Variants in LASP1NB observed in about 807,000 individuals in gnomAD.
LASP1NB encodes LASP1 neighbor.
chr17:38,927,671 T>C, the LASP1NB span: 3 of 152,110 alleles, frequency 2.0e-5, no homozygotes, highest in African/African-American at 4.8e-5. Flanking sequence ...AGTAATAACA[T>C]TGTGTCCAAT....
At chr17:38,926,807 T>C in the LASP1NB span, 1 of 152,180 alleles carries the variant, frequency 6.6e-6, no homozygotes, top group Admixed American at 6.5e-5. Flanking sequence ...CAAGGGGAAG[T>C]TCAAGTTGTC....
At chr17:38,928,200 T>G in the LASP1NB span, 168 of 152,206 alleles carry the variant, frequency 1.1e-3, no homozygotes, top group African/African-American at 3.8e-3. Flanking sequence ...AATCCCAGCA[T>G]TTAGGGAAGT....
At chr17:38,926,618 A>G in the LASP1NB span, 1 of 152,320 alleles carries the variant, frequency 6.6e-6, no homozygotes, top group East Asian at 1.9e-4. Context: ...TGTAGATGGG[A>G]TTGAGAACAG....
chr17:38,926,053 C>A, the LASP1NB span, among the ~76,000 whole-genome samples: 11 of 152,012 alleles, frequency 7.2e-5, no homozygotes, highest in African/African-American at 2.4e-4. Context: ...ACAATGTAAA[C>A]GATTTTTAGG....
the LASP1NB span, chr17:38,928,963 C>T: frequency 6.6e-6 from 1 of 152,064 alleles, no homozygotes; most frequent in East Asian, 1.9e-4. Flanking sequence ...CAAGGCTTCT[C>T]AGTCTGTATT....
At chr17:38,928,802 C>T in the LASP1NB span, 4 of 152,122 alleles carry the variant, frequency 2.6e-5, no homozygotes, top group African/African-American at 7.2e-5. Flanking sequence ...CTATAATTTC[C>T]GTCTTCAAGC....
chr17:38,929,375 A>G, the LASP1NB span: 1 of 152,252 alleles, frequency 6.6e-6, no homozygotes, highest in African/African-American at 2.4e-5. Flanking sequence ...TGTCAATGAG[A>G]TAAAAACCAC....
the LASP1NB span, chr17:38,928,848 C>G: frequency 6.6e-6 from 1 of 152,204 alleles, no homozygotes; most frequent in African/African-American, 2.4e-5. Flanking sequence ...CTAGGTAATT[C>G]AGGCATGCGC....
the LASP1NB span, chr17:38,927,015 C>A: frequency 6.6e-6 from 1 of 152,120 alleles, no homozygotes; most frequent in African/African-American, 2.4e-5. Flanking sequence ...ATATAGTCCT[C>A]TCTTTGCACC....
At chr17:38,925,859 A>G in the LASP1NB span, 1 of 397,816 alleles carries the variant, frequency 2.5e-6, no homozygotes, top group Non-Finnish European at 4.4e-6. Context: ...TTGCTGACGC[A>G]CCGGTGGATT....
the LASP1NB span, chr17:38,928,854 T>C: frequency 3.9e-5 from 6 of 152,350 alleles, no homozygotes; most frequent in East Asian, 1.2e-3. Context: ...AATTCAGGCA[T>C]GCGCCAGTAT....
the LASP1NB span, chr17:38,926,838 T>A: frequency 6.6e-6 from 1 of 152,174 alleles, no homozygotes; most frequent in East Asian, 1.9e-4. Context: ...TATGAAGTAG[T>A]CACTTTATCA....
the LASP1NB span, chr17:38,927,492 T>G: frequency 6.6e-6 from 1 of 152,038 alleles, no homozygotes; most frequent in Admixed American, 6.6e-5. Flanking sequence ...GCGCCTGTAG[T>G]CCCAGCTACC....
the LASP1NB span, chr17:38,927,608 C>G: frequency 4.0e-5 from 6 of 151,804 alleles, no homozygotes; most frequent in Non-Finnish European, 8.8e-5. Context: ...GAGATTCCGT[C>G]TCAAATAAAA....
At chr17:38,926,514 C>T in the LASP1NB span, 1 of 152,192 alleles carries the variant, frequency 6.6e-6, no homozygotes, top group African/African-American at 2.4e-5. Context: ...ATGGCTGACC[C>T]CTGGCAAGCA....
chr17:38,928,143 G>A, the LASP1NB span: 2 of 152,140 alleles, frequency 1.3e-5, no homozygotes, highest in Non-Finnish European at 2.9e-5. Flanking sequence ...CCTTTCATAA[G>A]TCATTTAAAC....
the LASP1NB span, chr17:38,925,890 G>T: frequency 2.5e-6 from 1 of 396,560 alleles, no homozygotes; most frequent in Non-Finnish European, 4.4e-6. Context: ...CTGTTATCTC[G>T]GGTATTGATT....
chr17:38,926,087 T>C, the LASP1NB span, among the ~76,000 whole-genome samples: 2 of 151,994 alleles, frequency 1.3e-5, no homozygotes, highest in Non-Finnish European at 2.9e-5. Context: ...GAATGATGGA[T>C]GTGGTGGGGA....
At chr17:38,926,047 T>C in the LASP1NB span, among the ~76,000 whole-genome samples, 3,976 of 152,248 alleles carry the variant, frequency 0.026, 174 homozygotes, top group African/African-American at 0.091. Context: ...AAATCCACAA[T>C]GTAAACGATT....
Sources: allele counts gnomAD v4.1 joint callset (sites outside exome capture counted in the v4.1 genomes callset), GRCh38; gene constraint gnomAD v4.1.1; transcripts MANE v1.5; gene names NCBI Gene and HGNC (gene_info 2026-07-23, HGNC 2026-07-21).